The following TAFA2 variants were observed in gnomAD, a reference collection of about 807,000 sequenced individuals.
TAFA2 encodes chemokine-like protein TAFA-2.
A neutral mutation model predicts 18.8 loss-of-function variants in TAFA2; 7 were observed. That is an observed-to-expected ratio of 0.37 (90% CI 0.21 to 0.70). The LOEUF is 0.70. Ranked by LOEUF, TAFA2 falls within the 30% of genes least tolerant of loss-of-function variation. TAFA2 has a pLI of 0.53. For missense variants in TAFA2, 122 were observed against 158.1 expected (o/e 0.77, Z 1.23); for synonymous variants, 60 against 54.2 (o/e 1.11, Z -0.47).
intron 1 of TAFA2, among the ~76,000 whole-genome samples, chr12:61,909,410 TATC>T (rs1876505800): frequency 6.6e-6 from 1 of 152,138 alleles, no homozygotes; most frequent in Non-Finnish European, 1.5e-5. Flanking sequence ...ATTTGGAACT[TATC>T]ATCATATGGG....
chr12:61,786,529 T>C (rs886669065), intron 2 of TAFA2, among the ~76,000 whole-genome samples: 3 of 151,604 alleles, frequency 2.0e-5, no homozygotes, highest in East Asian at 1.9e-4. Flanking sequence ...CACATTAGCA[T>C]TAGTAAACAA....
intron 1 of TAFA2, chr12:62,234,320 A>T: frequency 2.1e-6 from 1 of 481,706 alleles, no homozygotes; most frequent in Non-Finnish European, 3.9e-6. Context: ...GAACTTGAAG[A>T]CTGCCTCTCC....
intron 1 of TAFA2, chr12:61,880,003 G>C (rs1875046488): frequency 2.6e-6 from 2 of 774,172 alleles, no homozygotes; most frequent in African/African-American, 3.4e-5. Context: ...TCAGGCAGCT[G>C]CATGAAGAGG....
intron 1 of TAFA2, among the ~76,000 whole-genome samples, chr12:62,040,317 C>T (rs560619965): frequency 1.3e-5 from 2 of 152,126 alleles, no homozygotes; most frequent in South Asian, 4.2e-4. Context: ...TGTGTCCCAT[C>T]CCCCAAAAAA....
intron 2 of TAFA2, among the ~76,000 whole-genome samples, chr12:61,785,303 T>C (rs1331728676): frequency 1.3e-5 from 2 of 148,980 alleles, no homozygotes; most frequent in African/African-American, 2.5e-5. Flanking sequence ...TATTCCTTTA[T>C]GGCTGAATAG....
chr12:61,786,299 C>A (rs1339697483), intron 2 of TAFA2, among the ~76,000 whole-genome samples: 1 of 151,482 alleles, frequency 6.6e-6, no homozygotes, highest in African/African-American at 2.4e-5. Flanking sequence ...GCCTTACTTA[C>A]CTGAAAAGCA....
chr12:62,240,881 T>C (rs1006562050), intron 1 of TAFA2, among the ~76,000 whole-genome samples: 2 of 152,084 alleles, frequency 1.3e-5, no homozygotes, highest in African/African-American at 4.8e-5. Context: ...TTGTGAACGG[T>C]GCATGGGAGG....
chr12:61,926,282 C>G (rs1361576294), intron 1 of TAFA2, among the ~76,000 whole-genome samples: 2 of 152,204 alleles, frequency 1.3e-5, no homozygotes, highest in Non-Finnish European at 2.9e-5. Flanking sequence ...GGAGCTGGTA[C>G]CATTCCTTCT....
chr12:61,820,284 CAAT>C (rs34896732), intron 2 of TAFA2, among the ~76,000 whole-genome samples: 25,344 of 151,822 alleles, frequency 0.17, 2,642 homozygotes, highest in South Asian at 0.29. Flanking sequence ...AACAGGAAAA[CAAT>C]AATTAACATT....
chr12:62,043,712 T>C (rs1189373568), intron 1 of TAFA2, among the ~76,000 whole-genome samples: 1 of 152,168 alleles, frequency 6.6e-6, no homozygotes, highest in Non-Finnish European at 1.5e-5. Context: ...ATATTAAGCA[T>C]CTTGCAAGGA....
chr12:61,865,919 C>A (rs34884798), intron 2 of TAFA2, among the ~76,000 whole-genome samples: 41,336 of 151,816 alleles, frequency 0.27, 6,242 homozygotes, highest in South Asian at 0.39. Flanking sequence ...GTTAAGTCCA[C>A]GGCAGGGCTT....
chr12:62,111,700 G>C (rs1869738428), intron 1 of TAFA2, among the ~76,000 whole-genome samples: 1 of 152,194 alleles, frequency 6.6e-6, no homozygotes, highest in South Asian at 2.1e-4. Flanking sequence ...ATTTAGTATA[G>C]TTAGCTCTTC....
intron 4 of TAFA2, among the ~76,000 whole-genome samples, chr12:61,744,221 G>T (rs1868589689): frequency 6.6e-6 from 1 of 152,018 alleles, no homozygotes; most frequent in African/African-American, 2.4e-5. Flanking sequence ...GAAATTCTAT[G>T]GTGCTCAAAC....
chr12:61,934,960 C>A (rs186591901), intron 1 of TAFA2, among the ~76,000 whole-genome samples: 1 of 152,038 alleles, frequency 6.6e-6, no homozygotes. Flanking sequence ...TATCTCAGAT[C>A]GGATATGATT....
At chr12:62,143,169 T>G (rs1284919599) in intron 1 of TAFA2, among the ~76,000 whole-genome samples, 1 of 152,156 alleles carries the variant, frequency 6.6e-6, no homozygotes, top group Non-Finnish European at 1.5e-5. Flanking sequence ...GGCTGCAACA[T>G]GTAGGGTTAC....
At chr12:61,784,158 T>C (rs1276777043) in intron 2 of TAFA2, among the ~76,000 whole-genome samples, 2 of 151,488 alleles carry the variant, frequency 1.3e-5, no homozygotes, top group African/African-American at 2.4e-5. Flanking sequence ...TCTAATTATT[T>C]TGGATAGTTA....
chr12:62,198,363 A>C (rs568200950), intron 1 of TAFA2: 1 of 152,288 alleles, frequency 6.6e-6, no homozygotes, highest in East Asian at 1.9e-4. Context: ...AGGGAGATCA[A>C]ACTCATTTGG....
At chr12:61,981,027 T>C (rs1879617242) in intron 1 of TAFA2, among the ~76,000 whole-genome samples, 6 of 152,174 alleles carry the variant, frequency 3.9e-5, no homozygotes, top group Admixed American at 3.9e-4. Context: ...AGAACAAAGC[T>C]GGAGGCATCA....
intron 1 of TAFA2, among the ~76,000 whole-genome samples, chr12:62,042,122 T>C (rs1429643263): frequency 6.6e-6 from 1 of 152,010 alleles, no homozygotes; most frequent in African/African-American, 2.4e-5. Flanking sequence ...TGGCAACTCC[T>C]TCATATCTGA....
Sources: allele counts gnomAD v4.1 joint callset (sites outside exome capture counted in the v4.1 genomes callset), GRCh38; gene constraint gnomAD v4.1.1; transcripts MANE v1.5; gene names NCBI Gene and HGNC (gene_info 2026-07-23, HGNC 2026-07-21).